The following COL19A1 variants were observed in gnomAD, a reference collection of about 807,000 sequenced individuals.
COL19A1 encodes the protein collagen alpha-1(XIX) chain.
In COL19A1, 159 loss-of-function variants were observed where a neutral mutation model predicts 190.2. That is an observed-to-expected ratio of 0.84 (90% confidence interval 0.73 to 0.95). COL19A1 has a LOEUF of 0.95. Ranked by LOEUF, COL19A1 falls within the 40% of genes least tolerant of loss-of-function variation. The pLI, the probability that COL19A1 is intolerant of heterozygous loss-of-function variation, is 0.00. For synonymous variants in COL19A1, 509 were observed against 458.9 expected (o/e 1.11, Z -1.39); for missense variants, 1,418 against 1,431.9 (o/e 0.99, Z 0.16).
intron 41 of COL19A1, 35 bp from the exon 42 acceptor site, chr6:70,176,485 G>A (rs1331999941): frequency 6.9e-6 from 11 of 1,601,430 alleles, no homozygotes; most frequent in Non-Finnish European, 9.4e-6. Flanking sequence ...CTTCATTGAT[G>A]TCATTAAAGT....
In COL19A1 at chr6:69,936,929, G is replaced by T. The variant is rs1422312355; in HGVS notation, c.873+19G>T. 3.7e-6 allele frequency: 6 copies of T among 1,611,436 alleles called. No homozygotes were observed. The highest frequency in any genetic ancestry group is 2.7e-5 in the African/African-American group (2 of 74,920). On this transcript the variant is annotated intron_variant, in intron 8 of 50. Coordinates refer to ENST00000620364, the MANE Select transcript of COL19A1 (RefSeq NM_001858.6). Reference sequence around the variant, plus strand: ...AAACAAGGTATGCTAGTTTTAATTGGTGCACACTGAAAGCCACTCCAGACT... The same window carrying T: ...AAACAAGGTATGCTAGTTTTAATTGTTGCACACTGAAAGCCACTCCAGACT...
At chr6:69,940,610 T>C (rs1269580128) in intron 9 of COL19A1, among the ~76,000 whole-genome samples, 1 of 152,184 alleles carries the variant, frequency 6.6e-6, no homozygotes, top group Non-Finnish European at 1.5e-5. Context: ...TTAACATTTG[T>C]TTTAAATTCC....
chr6:69,903,527 T>C (rs1295174835), intron 4 of COL19A1, among the ~76,000 whole-genome samples: 1 of 152,180 alleles, frequency 6.6e-6, no homozygotes, highest in Non-Finnish European at 1.5e-5. Context: ...TATCCCAATC[T>C]GCCATGCTTT....
At chr6:70,155,865 A>AT (rs1266513429) in intron 31 of COL19A1, among the ~76,000 whole-genome samples, 1 of 152,078 alleles carries the variant, frequency 6.6e-6, no homozygotes, top group Non-Finnish European at 1.5e-5. Flanking sequence ...GGAATTTTCT[A>AT]TTTAAGTGTC....
chr6:70,006,540 G>T (rs1401446581), intron 11 of COL19A1, among the ~76,000 whole-genome samples: 1 of 152,162 alleles, frequency 6.6e-6, no homozygotes, highest in Admixed American at 6.5e-5. Flanking sequence ...GCTTATTATG[G>T]TTCTTTTCTA....
Position 69,927,935 on chromosome 6 carries a change from A to C in COL19A1, c.293A>C (p.Glu98Ala). ...AAGATATTTCCCAAAGGCCTTCCTG[A>C]GGAGTACTCAGTAGCTGCCATGTTT... is the stretch of plus-strand genomic sequence containing the variant. The part of the protein sequence containing the change: ...TIKIFPKGLP[E>A]EYSVAAMFRV... Residue 98 changes from glutamate (E) to alanine (A), a missense_variant, in exon 5 of 51, where the codon GAG (glutamate) becomes GCG (alanine). Coordinates refer to ENST00000620364, the MANE Select transcript of COL19A1 (RefSeq NM_001858.6). 6.2e-7 allele frequency: 1 copy of C among 1,612,884 alleles called. No individual in the cohort carries two copies. The highest frequency in any genetic ancestry group is 8.5e-7 in the Non-Finnish European group (1 of 1,179,200).
At chr6:70,118,907 A>G (rs933397103) in intron 16 of COL19A1, among the ~76,000 whole-genome samples, 1 of 152,208 alleles carries the variant, frequency 6.6e-6, no homozygotes, top group African/African-American at 2.4e-5. Context: ...AGCAGCAGCC[A>G]GATCAGGATC....
chr6:70,176,403 C>A (rs1042019460), intron 41 of COL19A1, 117 bp from the exon 42 acceptor site: 2 of 1,003,502 alleles, frequency 2.0e-6, no homozygotes, highest in African/African-American at 1.6e-5. Flanking sequence ...ATATCAATAA[C>A]ACTTATCAGA....
chr6:69,978,771 A>C (rs1775868709), intron 11 of COL19A1, among the ~76,000 whole-genome samples: 2 of 151,774 alleles, frequency 1.3e-5, no homozygotes, highest in Non-Finnish European at 2.9e-5. Context: ...AAAATTGTAG[A>C]AGGGACAAAC....
At chr6:69,920,796 T>C (rs575463163) in intron 4 of COL19A1, among the ~76,000 whole-genome samples, 85 of 151,182 alleles carry the variant, frequency 5.6e-4, no homozygotes, top group South Asian at 1.0e-3. Context: ...AGGTTAGTAT[T>C]AATTTATGTG....
At chr6:69,972,021 A>G (rs1429697523) in intron 11 of COL19A1, among the ~76,000 whole-genome samples, 3 of 152,010 alleles carry the variant, frequency 2.0e-5, no homozygotes, top group Non-Finnish European at 4.4e-5. Flanking sequence ...GCTTCTCAGA[A>G]CTCATCTCTT....
chr6:69,946,384 T>C (rs1008363021), intron 9 of COL19A1, among the ~76,000 whole-genome samples: 1 of 152,002 alleles, frequency 6.6e-6, no homozygotes, highest in Non-Finnish European at 1.5e-5. Flanking sequence ...TAATGTCAGA[T>C]TGGAAAGAAA....
intron 48 of COL19A1, among the ~76,000 whole-genome samples, chr6:70,198,463 A>G (rs1562264352): frequency 6.6e-6 from 1 of 152,222 alleles, no homozygotes; most frequent in Non-Finnish European, 1.5e-5. Context: ...CAATGCGATT[A>G]ACTTCTTGTC....
chr6:70,080,709 A>C (rs12193795), intron 15 of COL19A1, among the ~76,000 whole-genome samples: 2 of 151,970 alleles, frequency 1.3e-5, no homozygotes, highest in African/African-American at 4.8e-5. Context: ...CATTCTGTAA[A>C]CTGTCATTTA....
Position 70,207,168 on chromosome 6 carries a change from C to G in COL19A1, c.3323C>G (p.Pro1108Arg). ...GTSALGLPGS[P>R]GAPGPQGPPG... ...TTAGCTCTGGGTTTGCCAGGCTCAC[C>G]AGGTGCCCCAGGCCCACAGGGCCCC... Residue 1108 changes from proline to arginine, a missense_variant, in exon 51 of 51, where the codon CCA (proline) becomes CGA (arginine). Pro to Arg is a moderately radical substitution (Grantham distance 103). Transcript: ENST00000620364. 1 of 1,613,594 alleles carries G rather than the reference C, an allele frequency of 6.2e-7. No homozygotes were observed. Among genetic ancestry groups the G allele is most frequent in the Non-Finnish European group, 8.5e-7 (1 of 1,179,858 alleles).
chr6:69,892,547 G>GT (rs1001090517), intron 2 of COL19A1, among the ~76,000 whole-genome samples: 5 of 152,084 alleles, frequency 3.3e-5, no homozygotes, highest in African/African-American at 1.2e-4. Context: ...TTTTACATAG[G>GT]TTTTTTGGAT....
At chr6:70,115,163 GC>G (rs898271071) in intron 16 of COL19A1, among the ~76,000 whole-genome samples, 1 of 152,124 alleles carries the variant, frequency 6.6e-6, no homozygotes, top group Non-Finnish European at 1.5e-5. Context: ...CCTGTCCTTA[GC>G]CCCCAAGGGC....
intron 9 of COL19A1, among the ~76,000 whole-genome samples, chr6:69,958,372 T>C (rs879586594): frequency 3.3e-5 from 5 of 152,160 alleles, no homozygotes; most frequent in Admixed American, 6.6e-5. Flanking sequence ...AATAATCTGC[T>C]CCTTATGGAC....
At chr6:70,147,885 T>A (rs1265716948) in intron 27 of COL19A1, among the ~76,000 whole-genome samples, 1 of 152,178 alleles carries the variant, frequency 6.6e-6, no homozygotes, top group African/African-American at 2.4e-5. Context: ...TCAGGTTCTA[T>A]AGTTTGCTAG....
Sources: allele counts gnomAD v4.1 joint callset (sites outside exome capture counted in the v4.1 genomes callset), GRCh38; gene constraint gnomAD v4.1.1; transcripts MANE v1.5; gene names NCBI Gene and HGNC (gene_info 2026-07-23, HGNC 2026-07-21).